SACS: variants seen among roughly 807,000 people sequenced by gnomAD.
The protein encoded by SACS is sacsin.
A neutral mutation model predicts 348.0 loss-of-function variants in SACS; 197 were observed. The observed-to-expected ratio is 0.57, with a 90% CI of 0.50 to 0.64. The LOEUF is 0.64. Ranked by LOEUF, SACS falls within the 30% of genes least tolerant of loss-of-function variation. SACS has a pLI of 0.00. For synonymous variants in SACS, 1,985 were observed against 1,910.6 expected (o/e 1.04, Z -1.02); for missense variants, 4,999 against 5,360.8 (o/e 0.93, Z 2.11).
At position 23,335,464 on chromosome 13, in the gene SACS, A is replaced by AT; in HGVS notation, c.8411dup (p.Tyr2804Ter). The AT allele has an allele frequency of 6.2e-7, 1 of 1,613,734 alleles. No homozygotes were observed. Among genetic ancestry groups the AT allele is most frequent in the Non-Finnish European group, 8.5e-7 (1 of 1,179,846 alleles). Residue 2804 changes from tyrosine to a stop codon, truncating the protein, a stop_gained and frameshift_variant, in exon 10 of 10, where the codon TAT (tyrosine) becomes TAAT (stop). Transcript: ENST00000382292. LOFTEE classifies it high-confidence loss of function. This position sits in a 1 kb window ranked among gnomAD's most constrained non-coding sequence, Gnocchi z 4.7. Reference sequence around the variant, plus strand: ...CTTCAGAGTCCTCAGTATCCATAGTATAGGTTATTTGTTGAACTGGTATGT... The same window carrying AT: ...CTTCAGAGTCCTCAGTATCCATAGTATTAGGTTATTTGTTGAACTGGTATGT... ...LKDIPVQQIT[Y>*]TMDTEDSEGN...
In SACS at chr13:23,335,553, A is replaced by G. The variant is rs1868501939; in HGVS notation, c.8323T>C (p.Leu2775=). Reference sequence around the variant, plus strand: ...GATGCATGAAATTGTTTCCTTTTCAATCTGTCTCCATCTGTGATTTTGCCC... The same window carrying G: ...GATGCATGAAATTGTTTCCTTTTCAGTCTGTCTCCATCTGTGATTTTGCCC... ...VKGKITDGDR[L]KRKQFHASVI... is the part of the protein sequence containing the mutation. Residue 2775 remains leucine, a synonymous_variant, in exon 10 of 10, where the codon TTG becomes CTG. Coordinates refer to ENST00000382292, the MANE Select transcript of SACS (RefSeq NM_014363.6). The surrounding 1 kb of genome is among the most constrained non-coding windows in gnomAD (Gnocchi z 4.7). 7.4e-6 allele frequency: 12 copies of G among 1,613,666 alleles called. No individual in the cohort carries two copies. Among genetic ancestry groups the G allele is most frequent in the Non-Finnish European group, 1.0e-5 (12 of 1,179,870 alleles).
chr13:23,423,735 G>T (rs1874049547), intron 1 of SACS, among the ~76,000 whole-genome samples: 1 of 149,744 alleles, frequency 6.7e-6, no homozygotes, highest in African/African-American at 2.4e-5. Context: ...GAAGCTATTA[G>T]GCCTATATAT....
At chr13:23,374,830 C>A (rs1871636579) in intron 3 of SACS, among the ~76,000 whole-genome samples, 1 of 150,786 alleles carries the variant, frequency 6.6e-6, no homozygotes, top group South Asian at 2.1e-4. Flanking sequence ...TAAATCACTT[C>A]ATTGATGATG....
In SACS at chr13:23,355,738, C is replaced by A. The variant is rs760555463; in HGVS notation, c.874G>T (p.Val292Phe). ...LSSNLYNKQK[V>F]LELFESFRAD... ...CTAAAAGACTCAAACAACTCAAGAA[C>A]CTTCTGCTTATTGTAGAGGTTACTA... Residue 292 changes from valine (V) to phenylalanine (F), a missense_variant, in exon 8 of 10, where the codon GTT becomes TTT. Val to Phe is a conservative substitution (Grantham distance 50). This residue lies in a region of SACS where 3,156 missense variants were observed against 3,380.1 expected (regional missense o/e 0.93). Coordinates refer to ENST00000382292, the MANE Select transcript of SACS (RefSeq NM_014363.6). The A allele has an allele frequency of 2.1e-5, 34 of 1,614,030 alleles. No individual in the cohort carries two copies. The highest frequency in any genetic ancestry group is 2.8e-5 in the Non-Finnish European group (33 of 1,180,046).
chr13:23,336,891 G>A lies in SACS; in HGVS notation c.6985C>T (p.Gln2329Ter). ...CYKYLHEALM[Q>*]NEITKMSIID... ...ATTGACATCTTAGTGATTTCATTTT[G>A]CATCAAGGCTTCATGAAGGTATTTG... is the stretch of plus-strand genomic sequence containing the variant. Residue 2329 changes from glutamine (Q) to a stop codon, truncating the protein, a stop_gained, in exon 10 of 10, where the codon CAA becomes TAA. Coordinates refer to ENST00000382292, the MANE Select transcript of SACS (RefSeq NM_014363.6). LOFTEE classifies it high-confidence loss of function. 1 of 1,613,404 alleles carries A rather than the reference G, an allele frequency of 6.2e-7. No individual in the cohort carries two copies.
At position 23,330,614 on chromosome 13, in the gene SACS, G is replaced by A; in HGVS notation, c.13262C>T (p.Pro4421Leu). ...AGAGTAAGTCTGTCCGGCTGAAGGG[G>A]GGCATTTTTCTTTGTTCTGTTGCTG... ...ERQQQNKEKC[P>L]PSAGQTYSQR... Residue 4421 changes from proline (P) to leucine (L), a missense_variant, in exon 10 of 10, where the codon CCC becomes CTC. Transcript: ENST00000382292. 1 of 1,613,812 alleles carries A rather than the reference G, an allele frequency of 6.2e-7. No homozygotes were observed. Among genetic ancestry groups the A allele is most frequent in the South Asian group, 1.1e-5 (1 of 91,040 alleles).
Position 23,391,031 on chromosome 13 carries a change from C to T in SACS, c.21-15762G>A, listed in dbSNP as rs151142859. On this transcript the variant is annotated intron_variant, in intron 2 of 9. Coordinates refer to ENST00000382292, the MANE Select transcript of SACS (RefSeq NM_014363.6). Reference sequence around the variant, plus strand: ...CCTCAGTGCAGACGCCACCACAGGCCGTGCCTGGGGACCAGTGCAACACAG... The same window carrying T: ...CCTCAGTGCAGACGCCACCACAGGCTGTGCCTGGGGACCAGTGCAACACAG... Among the ~76,000 whole-genome samples, 643 of 152,320 alleles carry T rather than the reference C, an allele frequency of 4.2e-3. 4 individuals carry two copies. The highest frequency in any genetic ancestry group is 0.014 in the African/African-American group (601 of 41,572).
At chr13:23,375,312 CCCGCCCGCCCA>C in intron 2 of SACS, 43 bp from the exon 3 acceptor site, 3 of 1,370,068 alleles carry the variant, frequency 2.2e-6, no homozygotes, top group Non-Finnish European at 2.9e-6. Flanking sequence ...GCGGCTGCCA[CCCGCCCGCCCA>C]GCGCCCGCGC....
chr13:23,362,581 C>CTTTTT (rs34351648), intron 6 of SACS, among the ~76,000 whole-genome samples: 12 of 111,870 alleles, frequency 1.1e-4, no homozygotes, highest in Non-Finnish European at 1.5e-4. Context: ...TAATACATTC[C>CTTTTT]TTTTTTTTTT....
rs1868889736 is a variant in SACS at position 23,338,624 on chromosome 13, C to T, written c.5252G>A (p.Ser1751Asn). The T allele has an allele frequency of 6.2e-7, 1 of 1,614,120 alleles. No individual in the cohort carries two copies. The highest frequency in any genetic ancestry group is 8.5e-7 in the Non-Finnish European group (1 of 1,180,006). ...TCSSSNKKLP[S>N]DEPKSSCILQ... Reference sequence around the variant, plus strand: ...AATGCAAGATGACTTTGGTTCATCACTGGGAAGCTTTTTATTACTGCTGCT... The same window carrying T: ...AATGCAAGATGACTTTGGTTCATCATTGGGAAGCTTTTTATTACTGCTGCT... Residue 1751 changes from serine to asparagine, a missense_variant, in exon 10 of 10, where the codon AGT (serine) becomes AAT (asparagine). Around this residue, in one of 6 missense-constraint regions of SACS, gnomAD observed 3,156 missense variants for 3,380.1 expected, o/e 0.93. Coordinates refer to ENST00000382292, the MANE Select transcript of SACS (RefSeq NM_014363.6).
chr13:23,394,491 A>T (rs575774234), intron 2 of SACS, among the ~76,000 whole-genome samples: 1 of 152,184 alleles, frequency 6.6e-6, no homozygotes, highest in African/African-American at 2.4e-5. Context: ...AGTCTTCCTC[A>T]CCATTTAAAC....
In SACS at chr13:23,337,827, T is replaced by C; in HGVS notation, c.6049A>G (p.Lys2017Glu). 6.2e-7 allele frequency: 1 copy of C among 1,613,928 alleles called. No homozygotes were observed. The highest frequency in any genetic ancestry group is 8.5e-7 in the Non-Finnish European group (1 of 1,179,954). The change falls in exon 10 of 10, where the codon AAG (lysine) becomes GAG (glutamate). Residue 2017 changes from lysine to glutamate, a missense_variant. This residue lies in a region of SACS where 3,156 missense variants were observed against 3,380.1 expected (regional missense o/e 0.93). Coordinates refer to ENST00000382292, the MANE Select transcript of SACS (RefSeq NM_014363.6). Reference sequence around the variant, plus strand: ...CAAAGGTTTTTGGACCCAGTCTTCTTGAGGTATTTCAAAAATATCTTGAAG... The same window carrying C: ...CAAAGGTTTTTGGACCCAGTCTTCTCGAGGTATTTCAAAAATATCTTGAAG... ...AAFKIFLKYL[K>E]KTGSKNLCAV...
intron 9 of SACS, among the ~76,000 whole-genome samples, chr13:23,347,474 A>G (rs1414984821): frequency 6.6e-6 from 1 of 152,238 alleles, no homozygotes; most frequent in Non-Finnish European, 1.5e-5. Flanking sequence ...GGCTAACTAA[A>G]CTAGTAGCTA....
chr13:23,338,951 G>C lies in SACS; in HGVS notation c.4925C>G (p.Thr1642Ser). 2.5e-6 allele frequency: 4 copies of C among 1,613,864 alleles called. No individual in the cohort carries two copies. The South Asian group carries it at 4.4e-5, about 18-fold the overall frequency. Residue 1642 changes from threonine to serine, a missense_variant, in exon 10 of 10, where the codon ACC (threonine) becomes AGC (serine). Physicochemically the swap from Thr to Ser is moderately conservative, Grantham distance 58. Coordinates refer to ENST00000382292, the MANE Select transcript of SACS (RefSeq NM_014363.6). Reference protein sequence around the residue: ...TVEAPYSYNGTLFRLSFRTQQ... With the variant: ...TVEAPYSYNGSLFRLSFRTQQ... ...AGTTCTAAAGGACAGTCGGAAAAGG[G>C]TTCCATTATAGCTGTAAGGTGCTTC...
At position 23,340,659 on chromosome 13, in the gene SACS, A is replaced by G; in HGVS notation, c.3217T>C (p.Phe1073Leu). Residue 1073 changes from phenylalanine (F) to leucine (L), a missense_variant, in exon 10 of 10, where the codon TTC (phenylalanine) becomes CTC (leucine). Transcript: ENST00000382292. ...GGTGAGGTAAAAACTGAGGGTGGGA[A>G]ATAGGTTCCTTCTTCATTACAAAAG... ...DLFCNEEGTY[F>L]PPSVFTSPDI... 6.3e-7 allele frequency: 1 copy of G among 1,599,332 alleles called. No homozygotes were observed. Among genetic ancestry groups the G allele is most frequent in the Non-Finnish European group, 8.5e-7 (1 of 1,175,416 alleles).
chr13:23,361,498 C>T (rs1483809117), intron 6 of SACS, among the ~76,000 whole-genome samples: 1 of 151,980 alleles, frequency 6.6e-6, no homozygotes, highest in Non-Finnish European at 1.5e-5. Context: ...ACATCCTGGC[C>T]AGACATGGTG....
chr13:23,340,014 C>A lies in SACS; in HGVS notation c.3862G>T (p.Ala1288Ser), dbSNP rs1869049621. ...TGGATTGGTTTAATCACAGCCTGGGCAAGTGGACAAAACTTTTTGCCAGTC... is the reference window on the plus strand; with the variant it reads ...TGGATTGGTTTAATCACAGCCTGGGAAAGTGGACAAAACTTTTTGCCAGTC... ...VWTGKKFCPL[A>S]QAVIKPIHDL... Residue 1288 changes from alanine (A) to serine (S), a missense_variant, in exon 10 of 10, where the codon GCC becomes TCC. Physicochemically the swap from Ala to Ser is moderately conservative, Grantham distance 99 (BLOSUM62 1). Coordinates refer to ENST00000382292, the MANE Select transcript of SACS (RefSeq NM_014363.6). 2 of 1,613,224 alleles carry A rather than the reference C, an allele frequency of 1.2e-6. No individual in the cohort carries two copies. The highest frequency in any genetic ancestry group is 8.5e-7 in the Non-Finnish European group (1 of 1,179,750).
intron 1 of SACS, among the ~76,000 whole-genome samples, chr13:23,413,992 A>C (rs1277659883): frequency 6.6e-6 from 1 of 152,192 alleles, no homozygotes; most frequent in Non-Finnish European, 1.5e-5. Context: ...GATTAGGATC[A>C]ATTTCTTTAT....
chr13:23,428,735 C>G (rs890320271), intron 1 of SACS: 1 of 152,122 alleles, frequency 6.6e-6, no homozygotes, highest in Admixed American at 6.6e-5. Context: ...CCCCAGTGCT[C>G]CAAATCCCTT....
Sources: allele counts gnomAD v4.1 joint callset (sites outside exome capture counted in the v4.1 genomes callset), GRCh38; gene constraint gnomAD v4.1.1; regional missense constraint gnomAD v4.1.1; non-coding constraint Gnocchi (gnomAD v3.1); transcripts MANE v1.5; gene names NCBI Gene and HGNC (gene_info 2026-07-23, HGNC 2026-07-21).